FAM227B: variants seen among roughly 807,000 people sequenced by gnomAD.
FAM227B encodes the protein family with sequence similarity 227 member B.
A neutral mutation model predicts 73.8 loss-of-function variants in FAM227B; 88 were observed. The ratio of observed to expected loss-of-function variants is 1.19; its 90% CI spans 1.00 to 1.42. The LOEUF is 1.42. FAM227B is among the 40% of genes most tolerant of loss of function. The pLI, the probability that FAM227B is intolerant of heterozygous loss-of-function variation, is 0.00. For synonymous variants in FAM227B, 210 were observed against 190.5 expected (o/e 1.10, Z -0.84); for missense variants, 632 against 590.9 (o/e 1.07, Z -0.72).
At chr15:49,365,167 G>A (rs185556537) in intron 13 of FAM227B, 38 of 762,254 alleles carry the variant, frequency 5.0e-5, no homozygotes, top group East Asian at 2.7e-4. Context: ...GGTTTTCTTC[G>A]TTTTTTGCAT....
chr15:49,566,603 AG>A (rs1378138953), intron 9 of FAM227B, among the ~76,000 whole-genome samples: 2 of 152,224 alleles, frequency 1.3e-5, no homozygotes, highest in African/African-American at 4.8e-5. Context: ...AAATCAGATG[AG>A]TTAATAGTAA....
intron 10 of FAM227B, among the ~76,000 whole-genome samples, chr15:49,527,672 A>C (rs1179753486): frequency 1.3e-5 from 2 of 151,958 alleles, no homozygotes; most frequent in African/African-American, 2.4e-5. Context: ...GAAATAAAAC[A>C]GTGTACAGAA....
chr15:49,543,323 A>G (rs1390039508), intron 9 of FAM227B, among the ~76,000 whole-genome samples: 1 of 152,006 alleles, frequency 6.6e-6, no homozygotes, highest in Non-Finnish European at 1.5e-5. Flanking sequence ...AGAACTGTCT[A>G]TTCATGTCCT....
rs191226470 is a variant in FAM227B at position 49,546,994 on chromosome 15, T to C, written c.748-5188A>G. 1.1e-3 allele frequency among the ~76,000 whole-genome samples: 160 copies of C among 151,986 alleles called. 1 individual carries two copies. The highest frequency in any genetic ancestry group is 3.6e-3 in the African/African-American group (149 of 41,438). ...CACATAATTGTCAGATTCACCAAAG[T>C]TGAAATGAAGGAAAAAATGTTAAGG... On this transcript the variant is annotated intron_variant, in intron 9 of 15. Transcript: ENST00000299338.
At chr15:49,527,143 C>G (rs182278952) in intron 10 of FAM227B, among the ~76,000 whole-genome samples, 1 of 151,972 alleles carries the variant, frequency 6.6e-6, no homozygotes, top group East Asian at 1.9e-4. Flanking sequence ...TTCAAAAAAA[C>G]AACCAGCAAA....
At chr15:49,339,441 T>G (rs1334143400) in intron 13 of FAM227B, among the ~76,000 whole-genome samples, 1 of 152,180 alleles carries the variant, frequency 6.6e-6, no homozygotes, top group East Asian at 1.9e-4. Context: ...TGCCTGGGTA[T>G]CACTGGCAGA....
chr15:49,543,915 T>C (rs760662971), intron 9 of FAM227B, among the ~76,000 whole-genome samples: 1 of 152,236 alleles, frequency 6.6e-6, no homozygotes, highest in Non-Finnish European at 1.5e-5. Flanking sequence ...GTAGTATAGT[T>C]TGAAGTCGGG....
At chr15:49,551,469 T>A (rs1253065835) in intron 9 of FAM227B, among the ~76,000 whole-genome samples, 1 of 152,208 alleles carries the variant, frequency 6.6e-6, no homozygotes, top group Non-Finnish European at 1.5e-5. Context: ...TTCATATCTT[T>A]ATTTTCAGTC....
intron 12 of FAM227B, among the ~76,000 whole-genome samples, chr15:49,370,120 G>A (rs1419369062): frequency 2.6e-5 from 4 of 152,182 alleles, no homozygotes; most frequent in Admixed American, 6.5e-5. Flanking sequence ...CCATACTCCA[G>A]AACTATGAGA....
chr15:49,468,967 A>G (rs572138185), intron 11 of FAM227B, among the ~76,000 whole-genome samples: 3 of 152,254 alleles, frequency 2.0e-5, no homozygotes, highest in African/African-American at 7.2e-5. Context: ...ACATTACTAA[A>G]GGTCATTTGC....
intron 11 of FAM227B, chr15:49,395,844 A>G (rs2047547251): frequency 2.3e-6 from 1 of 432,246 alleles, no homozygotes; most frequent in Non-Finnish European, 4.6e-6. Flanking sequence ...AACTCAACAC[A>G]TTCAAAGGAT....
chr15:49,479,604 T>TTTGTTTTG (rs1567359236), intron 11 of FAM227B, among the ~76,000 whole-genome samples: 2 of 68,414 alleles, frequency 2.9e-5, no homozygotes, highest in African/African-American at 1.3e-4. Context: ...CCTCTGTTTT[T>TTTGTTTTG]TTTTTTTTTT....
chr15:49,527,135 C>CA (rs1567491909), intron 10 of FAM227B, among the ~76,000 whole-genome samples: 1 of 151,566 alleles, frequency 6.6e-6, no homozygotes, highest in Admixed American at 6.6e-5. Context: ...TAAAAATTTT[C>CA]AAAAAAACAA....
chr15:49,398,449 A>T (rs1322496792), intron 11 of FAM227B, among the ~76,000 whole-genome samples: 11 of 127,880 alleles, frequency 8.6e-5, no homozygotes, highest in Admixed American at 2.5e-4. Flanking sequence ...CGAGACAGAA[A>T]GTCAACAAGG....
intron 9 of FAM227B, 61 bp downstream of exon 9, chr15:49,568,184 G>T (rs555995362): frequency 2.2e-6 from 3 of 1,384,948 alleles, no homozygotes; most frequent in South Asian, 2.6e-5. Context: ...ATAAAATAAC[G>T]ATTTTTTCTA....
intron 11 of FAM227B, among the ~76,000 whole-genome samples, chr15:49,473,217 C>G (rs1283626334): frequency 6.6e-6 from 1 of 152,044 alleles, no homozygotes; most frequent in African/African-American, 2.4e-5. Context: ...GATTTACTCA[C>G]AGTTTAGTTA....
chr15:49,369,267 G>T (rs1313309030), intron 12 of FAM227B, among the ~76,000 whole-genome samples: 1 of 152,058 alleles, frequency 6.6e-6, no homozygotes, highest in Non-Finnish European at 1.5e-5. Context: ...TGGTGTTTTG[G>T]TTTTTAAAGC....
intron 1 of FAM227B, among the ~76,000 whole-genome samples, chr15:49,618,526 G>T (rs1380094690): frequency 6.6e-6 from 1 of 152,210 alleles, no homozygotes; most frequent in African/African-American, 2.4e-5. Flanking sequence ...AGTATACTAT[G>T]TGCCTTGGGG....
chr15:49,468,492 C>T (rs1295718561), intron 11 of FAM227B, among the ~76,000 whole-genome samples: 1 of 152,112 alleles, frequency 6.6e-6, no homozygotes, highest in Non-Finnish European at 1.5e-5. Context: ...AGCTACAGGG[C>T]ATGCTTTCTT....
Sources: allele counts gnomAD v4.1 joint callset (sites outside exome capture counted in the v4.1 genomes callset), GRCh38; gene constraint gnomAD v4.1.1; transcripts MANE v1.5; gene names NCBI Gene and HGNC (gene_info 2026-07-23, HGNC 2026-07-21).